TXLNB: variants seen among roughly 807,000 people sequenced by gnomAD.
TXLNB encodes taxilin beta, also known as beta-taxilin.
In TXLNB, 37 loss-of-function variants were observed where a neutral mutation model predicts 57.4. The ratio of observed to expected loss-of-function variants is 0.64; its 90% confidence interval spans 0.50 to 0.85. TXLNB has a LOEUF of 0.85. Ranked by LOEUF, TXLNB falls within the 40% of genes least tolerant of loss-of-function variation. The pLI, the probability that TXLNB is intolerant of heterozygous loss-of-function variation, is 0.00. For missense variants in TXLNB, 848 were observed against 825.6 expected, an observed-to-expected ratio of 1.03 and a Z score of -0.33; for synonymous variants, 302 against 309.6, an observed-to-expected ratio of 0.98 and a Z score of 0.26.
In TXLNB at chr6:139,262,701, G is replaced by A. The variant is rs372772774; in HGVS notation, c.760C>T (p.Leu254Phe). The change falls in exon 5 of 10, where the codon CTC becomes TTC. Residue 254 changes from leucine to phenylalanine, a missense_variant. Leu to Phe is a conservative substitution (Grantham distance 22). Coordinates refer to ENST00000358430, the MANE Select transcript of TXLNB (RefSeq NM_153235.4). ...TCGATCTGGCCCTGGATGTCCGTGA[G>A]GGTACTCTGGAAATGGCTTGTGATT... ...KEITSHFQST[L>F]TDIQGQIEQQ... is the part of the protein sequence containing the mutation. 20 of 1,614,154 alleles carry A rather than the reference G, an allele frequency of 1.2e-5. No homozygotes were observed. Among genetic ancestry groups the A allele is most frequent in the Non-Finnish European group, 1.7e-5 (20 of 1,180,024 alleles).
chr6:139,322,826 A>T, the TXLNB span, among the ~76,000 whole-genome samples: 4 of 152,010 alleles, frequency 2.6e-5, no homozygotes, highest in East Asian at 7.7e-4. Context: ...CATTTTACTT[A>T]TTTGCTGTGT....
chr6:139,166,714 C>G, the TXLNB span: 4 of 1,611,308 alleles, frequency 2.5e-6, no homozygotes, highest in Non-Finnish European at 3.4e-6. Context: ...CCCAGAAAGG[C>G]CCAAGCCACG....
the TXLNB span, among the ~76,000 whole-genome samples, chr6:139,301,070 C>T: frequency 3.3e-5 from 5 of 152,168 alleles, no homozygotes; most frequent in Non-Finnish European, 7.4e-5. Context: ...GCTGAGATGC[C>T]TTGTTACCTA....
the TXLNB span, among the ~76,000 whole-genome samples, chr6:139,225,064 G>C: frequency 1.3e-5 from 2 of 152,060 alleles, no homozygotes; most frequent in Non-Finnish European, 2.9e-5. Context: ...AACCCACCTT[G>C]TTAACAGAAG....
chr6:139,314,505 A>G, the TXLNB span, among the ~76,000 whole-genome samples: 4 of 152,218 alleles, frequency 2.6e-5, no homozygotes, highest in African/African-American at 7.2e-5. Flanking sequence ...TCTACCTTAC[A>G]TGCACTGATG....
chr6:139,224,220 C>T, the TXLNB span, among the ~76,000 whole-genome samples: 4 of 149,074 alleles, frequency 2.7e-5, no homozygotes, highest in Non-Finnish European at 4.4e-5. Context: ...ACTGCATATT[C>T]TCACTCATAG....
At chr6:139,166,900 G>C in the TXLNB span, 1 of 1,614,024 alleles carries the variant, frequency 6.2e-7, no homozygotes, top group South Asian at 1.1e-5. Flanking sequence ...ACCTCGGGGA[G>C]TTCTTAAAGA....
chr6:139,242,543 G>C lies in TXLNB; in HGVS notation c.2038C>G (p.Leu680Val), dbSNP rs773371864. 2 of 1,504,348 alleles carry C rather than the reference G, an allele frequency of 1.3e-6. No homozygotes were observed. Among genetic ancestry groups the C allele is most frequent in the Non-Finnish European group, 1.8e-6 (2 of 1,128,600 alleles). The allele number at this position is 1,504,348 out of a possible 1,614,324, so 93.2% of individuals were successfully genotyped here. Residue 680 changes from leucine to valine, a missense_variant, in exon 10 of 10, where the codon CTG becomes GTG. Leu to Val is a conservative substitution (Grantham distance 32, BLOSUM62 1). Coordinates refer to ENST00000358430, the MANE Select transcript of TXLNB (RefSeq NM_153235.4). Reference sequence around the variant, plus strand: ...GGTGAGGCTTAGTCGACGCCTTCCAGATTGGTGTCAGCCACGTTGCGCGGC... The same window carrying C: ...GGTGAGGCTTAGTCGACGCCTTCCACATTGGTGTCAGCCACGTTGCGCGGC... ...PQPRNVADTN[L>V]EGVD
At chr6:139,214,340 A>T in the TXLNB span, among the ~76,000 whole-genome samples, 1 of 152,194 alleles carries the variant, frequency 6.6e-6, no homozygotes, top group Non-Finnish European at 1.5e-5. Context: ...AAATCAATAA[A>T]CGTAATCCAG....
chr6:139,313,054 T>G, the TXLNB span, among the ~76,000 whole-genome samples: 2 of 152,128 alleles, frequency 1.3e-5, no homozygotes, highest in African/African-American at 4.8e-5. Flanking sequence ...TAAGTGTTAA[T>G]AAACTTCTAT....
At chr6:139,322,133 G>C in the TXLNB span, among the ~76,000 whole-genome samples, 2 of 152,254 alleles carry the variant, frequency 1.3e-5, no homozygotes, top group African/African-American at 4.8e-5. Context: ...CACCATGCCT[G>C]ACTTCACAGC....
chr6:139,236,975 C>T (rs58877813), downstream of TXLNB, among the ~76,000 whole-genome samples: 15,439 of 152,014 alleles, frequency 0.1, 2,157 homozygotes, highest in African/African-American at 0.32. Flanking sequence ...AAACCCTGTG[C>T]GTAAAAATTC....
chr6:139,191,907 T>G, the TXLNB span, among the ~76,000 whole-genome samples: 58 of 152,156 alleles, frequency 3.8e-4, no homozygotes, highest in East Asian at 5.8e-4. Flanking sequence ...GAAAGTAACT[T>G]CCCAAAGCTG....
chr6:139,265,212 A>C (rs192971928), intron 4 of TXLNB, among the ~76,000 whole-genome samples: 181 of 152,290 alleles, frequency 1.2e-3, no homozygotes, highest in Non-Finnish European at 1.2e-3. Flanking sequence ...TCCACATTAA[A>C]ATTCTGTGAT....
intron 4 of TXLNB, among the ~76,000 whole-genome samples, chr6:139,268,624 C>T (rs1010446283): frequency 1.3e-5 from 2 of 152,070 alleles, no homozygotes; most frequent in African/African-American, 2.4e-5. Flanking sequence ...CTTGGACAAC[C>T]AATTTGGATT....
the TXLNB span, among the ~76,000 whole-genome samples, chr6:139,201,154 A>T: frequency 3.9e-5 from 6 of 152,208 alleles, no homozygotes; most frequent in Admixed American, 1.3e-4. Context: ...CAAATTACCA[A>T]ACTTCACAAT....
At chr6:139,276,169 A>T (rs1776890002) in intron 3 of TXLNB, among the ~76,000 whole-genome samples, 1 of 152,250 alleles carries the variant, frequency 6.6e-6, no homozygotes, top group South Asian at 2.1e-4. Context: ...GTATTCTGGT[A>T]TCCAACAGAG....
At chr6:139,254,774 T>C (rs1776293217) in intron 7 of TXLNB, among the ~76,000 whole-genome samples, 1 of 152,192 alleles carries the variant, frequency 6.6e-6, no homozygotes, top group Non-Finnish European at 1.5e-5. Context: ...AAGGCCAACC[T>C]CTGATGGCAT....
At chr6:139,297,581 G>A in the TXLNB span, among the ~76,000 whole-genome samples, 1 of 152,092 alleles carries the variant, frequency 6.6e-6, no homozygotes. Flanking sequence ...TAGCTTCCAC[G>A]TGAATTCCAG....
Sources: gnomAD v4.1 joint callset for allele counts (sites outside exome capture counted in the v4.1 genomes callset) on GRCh38, gnomAD v4.1.1 for gene constraint, MANE v1.5 for transcripts, NCBI Gene and HGNC (gene_info 2026-07-23, HGNC 2026-07-21) for gene names.